Variants in AMZ1 observed in about 807,000 individuals in gnomAD.
The protein encoded by AMZ1 is archaelysin family metallopeptidase 1.
In AMZ1, 39 loss-of-function variants were observed where a neutral mutation model predicts 29.9. The ratio of observed to expected loss-of-function variants is 1.30; its 90% confidence interval spans 1.01 to 1.70. AMZ1 has a LOEUF of 1.70. Ranked by LOEUF, AMZ1 falls within the 40% of genes most tolerant of loss-of-function variation. The probability of loss-of-function intolerance (pLI) is 0.00; values close to 1 mark genes in which losing one functional copy is unlikely to be tolerated. For missense variants in AMZ1, 1,041 were observed against 680.6 expected, an observed-to-expected ratio of 1.53 and a Z score of -5.89; for synonymous variants, 458 against 304.0, an observed-to-expected ratio of 1.51 and a Z score of -5.27.
At chr7:2,763,164 G>C (rs1791649695), upstream of AMZ1, 1 of 1,113,634 alleles carries the variant, frequency 9.0e-7, no homozygotes, top group Non-Finnish European at 1.1e-6. Flanking sequence ...GCTGACAAGA[G>C]GTTAGCAGGA....
chr7:2,758,304 C>A (rs911454310), intron 4 of AMZ1, among the ~76,000 whole-genome samples: 3 of 152,190 alleles, frequency 2.0e-5, no homozygotes, highest in Admixed American at 2.0e-4. Context: ...GCTCTGCAAA[C>A]ACTTATCTCA....
intron 4 of AMZ1, among the ~76,000 whole-genome samples, chr7:2,743,062 G>C (rs1332361862): frequency 6.6e-6 from 1 of 152,150 alleles, no homozygotes; most frequent in Non-Finnish European, 1.5e-5. Context: ...GACAGAGCTG[G>C]GGCAACCAGG....
chr7:2,755,116 A>G (rs996006975), intron 4 of AMZ1, among the ~76,000 whole-genome samples: 1 of 151,964 alleles, frequency 6.6e-6, no homozygotes, highest in Admixed American at 6.6e-5. Flanking sequence ...GGGTCTGTCC[A>G]GTGACCTCGT....
chr7:2,750,647 C>T (rs74370523), intron 4 of AMZ1, among the ~76,000 whole-genome samples: 1,742 of 152,322 alleles, frequency 0.011, 35 homozygotes, highest in African/African-American at 0.039. Context: ...TTTTGGACCA[C>T]GGTTGACTGC....
At position 2,731,429 on chromosome 7, in the gene AMZ1, G is replaced by T; in HGVS notation, n.550+21613G>T. 1 of 1,613,560 alleles carries T rather than the reference G, an allele frequency of 6.2e-7. No homozygotes were observed. The highest frequency in any genetic ancestry group is 8.5e-7 in the Non-Finnish European group (1 of 1,179,600). Reference sequence around the variant, plus strand: ...ACGGTCTTCACCTTCTCCACCAGGAGGTCCATCTTGTTGAGGAAGAGAATG... The same window carrying T: ...ACGGTCTTCACCTTCTCCACCAGGATGTCCATCTTGTTGAGGAAGAGAATG... On this transcript the variant is annotated intron_variant and non_coding_transcript_variant, in intron 4 of 4. Transcript: ENST00000489665. This position sits in a 1 kb window ranked among gnomAD's most constrained non-coding sequence, Gnocchi z 6.0.
At chr7:2,760,739 A>T (rs1346031374), upstream of AMZ1, among the ~76,000 whole-genome samples, 1 of 152,168 alleles carries the variant, frequency 6.6e-6, no homozygotes, top group Non-Finnish European at 1.5e-5. Flanking sequence ...TTTAGCTACG[A>T]CCATTTCTAA....
intron 4 of AMZ1, among the ~76,000 whole-genome samples, chr7:2,737,274 G>GGTTTT (rs1790242460): frequency 2.9e-5 from 1 of 35,032 alleles, no homozygotes; most frequent in Non-Finnish European, 5.9e-5. Context: ...GTTTTGTTTT[G>GGTTTT]TTTTTTTTTT....
At chr7:2,721,206 A>C (rs112865758), downstream of AMZ1, among the ~76,000 whole-genome samples, 221 of 152,234 alleles carry the variant, frequency 1.5e-3, no homozygotes, top group African/African-American at 5.0e-3. Context: ...AGGCCAGGGG[A>C]GGGTGGAGCT....
rs1487722362 is a variant in AMZ1, at chr7:2,731,496, G to A, written n.550+21680G>A. ...AGAGCTTGTTGTTGACGATGGTCTCGAAGATGTTCATGGACTCCACCAGCC... is the reference window on the plus strand; with the variant it reads ...AGAGCTTGTTGTTGACGATGGTCTCAAAGATGTTCATGGACTCCACCAGCC... On this transcript the variant is annotated intron_variant and non_coding_transcript_variant, in intron 4 of 4. Coordinates refer to the AMZ1 transcript ENST00000489665. This position sits in a 1 kb window ranked among gnomAD's most constrained non-coding sequence, Gnocchi z 6.0. 1.2e-6 allele frequency: 2 copies of A among 1,613,654 alleles called. No individual in the cohort carries two copies. Among genetic ancestry groups the A allele is most frequent in the Non-Finnish European group, 1.7e-6 (2 of 1,179,830 alleles).
upstream of AMZ1, among the ~76,000 whole-genome samples, chr7:2,683,511 C>A (rs1786960622): frequency 6.6e-6 from 1 of 152,142 alleles, no homozygotes; most frequent in African/African-American, 2.4e-5. Context: ...GATCTCGGCT[C>A]ACTGCAAGCT....
rs746745060 is a variant in AMZ1, at chr7:2,712,786, G to GACAAGTTCTCCTCCCTGA, written c.1406_1423dup (p.Leu474_Arg475insAsnLysPheSerSerLeu). ...CGTGGGGCTGCGCAAGGTGCTGGGG[G>GACAAGTTCTCCTCCCTGA]ACAAGTTCTCCTCCCTGAGGAGGAA... On this transcript the variant is annotated inframe_insertion, in exon 7 of 7. Coordinates refer to ENST00000683327, the MANE Select transcript of AMZ1 (RefSeq NM_001384743.1). 6.4e-7 allele frequency: 1 copy of GACAAGTTCTCCTCCCTGA among 1,570,458 alleles called. No homozygotes were observed. Among genetic ancestry groups the GACAAGTTCTCCTCCCTGA allele is most frequent in the South Asian group, 1.2e-5 (1 of 84,616 alleles).
Position 2,708,477 on chromosome 7 carries a change from G to A in AMZ1, c.473-111G>A, listed in dbSNP as rs1388179706. 3.3e-6 allele frequency: 5 copies of A among 1,509,296 alleles called. No homozygotes were observed. The East Asian group carries it at 7.0e-5, about 21-fold the overall frequency. 93.5% of individuals were successfully genotyped at this position (1,509,296 alleles called of 1,614,324 possible). ...CGCTGGTGGCCCACACCTGACTTGG[G>A]AAGGGGCAGGGCCCAGGCAGAGGAA... On this transcript the variant is annotated intron_variant, in intron 3 of 6. Transcript: ENST00000683327.
At chr7:2,707,029 C>T (rs1025205206) in intron 3 of AMZ1, among the ~76,000 whole-genome samples, 2 of 152,124 alleles carry the variant, frequency 1.3e-5, no homozygotes, top group Non-Finnish European at 2.9e-5. Flanking sequence ...AATCCCAGCA[C>T]TTTGGGAGAC....
chr7:2,706,514 C>T (rs142298335), intron 3 of AMZ1, among the ~76,000 whole-genome samples: 38 of 152,300 alleles, frequency 2.5e-4, no homozygotes, highest in East Asian at 1.9e-3. Context: ...TTGGCAGGGC[C>T]ACGTGGTCTC....
chr7:2,761,112 C>T (rs910310281), upstream of AMZ1, among the ~76,000 whole-genome samples: 2 of 152,216 alleles, frequency 1.3e-5, no homozygotes, highest in Non-Finnish European at 2.9e-5. Context: ...GTCTGGCTCT[C>T]GGCTGTGGGG....
chr7:2,718,645 G>A lies in AMZ1; in HGVS notation c.*5767G>A, dbSNP rs780992779. Reference sequence around the variant, plus strand: ...CTCGGTCAGGCTTTCAGCAGCAGAAGGCAGTGGACTCTTCACCATTTCTTC... The same window carrying A: ...CTCGGTCAGGCTTTCAGCAGCAGAAAGCAGTGGACTCTTCACCATTTCTTC... On this transcript the variant is annotated 3_prime_UTR_variant, in exon 7 of 7. Coordinates refer to ENST00000683327, the MANE Select transcript of AMZ1 (RefSeq NM_001384743.1). Among the ~76,000 whole-genome samples, 1 of 152,234 alleles carries A rather than the reference G, an allele frequency of 6.6e-6. No homozygotes were observed. The highest frequency in any genetic ancestry group is 1.5e-5 in the Non-Finnish European group (1 of 68,052).
At chr7:2,747,200 T>A (rs376608250) in intron 4 of AMZ1, among the ~76,000 whole-genome samples, 32 of 152,114 alleles carry the variant, frequency 2.1e-4, no homozygotes, top group Middle Eastern at 3.4e-3. Flanking sequence ...TACCAAAGCC[T>A]GGCAGAGACA....
intron 4 of AMZ1, among the ~76,000 whole-genome samples, chr7:2,740,760 T>C (rs916844174): frequency 6.6e-6 from 1 of 152,130 alleles, no homozygotes. Context: ...ACTACAGATT[T>C]AGGGCTCGCC....
chr7:2,747,868 AACAG>A (rs1035126814), intron 4 of AMZ1, among the ~76,000 whole-genome samples: 13 of 152,280 alleles, frequency 8.5e-5, no homozygotes, highest in Admixed American at 2.0e-4. Context: ...ATACACCAAT[AACAG>A]ACAAACAGCC....
Sources: gnomAD v4.1 joint callset for allele counts (sites outside exome capture counted in the v4.1 genomes callset) on GRCh38, gnomAD v4.1.1 for gene constraint, Gnocchi (gnomAD v3.1) non-coding constraint, MANE v1.5 for transcripts, NCBI Gene and HGNC (gene_info 2026-07-23, HGNC 2026-07-21) for gene names.